PPID: variants seen among roughly 807,000 people sequenced by gnomAD.
The protein encoded by PPID is peptidylprolyl isomerase D.
A neutral mutation model predicts 48.1 loss-of-function variants in PPID; 47 were observed. The ratio of observed to expected loss-of-function variants is 0.98; its 90% CI spans 0.77 to 1.25. PPID has a LOEUF of 1.25. PPID is among the 50% of genes most tolerant of loss of function. PPID has a pLI of 0.00. For synonymous variants in PPID, 163 were observed against 148.8 expected (o/e 1.10, Z -0.69); for missense variants, 429 against 443.5 (o/e 0.97, Z 0.29).
intron 6 of PPID, among the ~76,000 whole-genome samples, chr4:158,713,756 A>G (rs1395815061): frequency 7.6e-6 from 1 of 131,032 alleles, no homozygotes; most frequent in Non-Finnish European, 1.7e-5. Context: ...TCAGATGTGA[A>G]AGTAAGGTAA....
intron 1 of PPID, among the ~76,000 whole-genome samples, chr4:158,722,535 C>G (rs1774980416): frequency 6.6e-6 from 1 of 152,204 alleles, no homozygotes; most frequent in African/African-American, 2.4e-5. Flanking sequence ...CATTGCCTGG[C>G]CAGCAATTCC....
chr4:158,718,293 G>A (rs1463074416), intron 3 of PPID, among the ~76,000 whole-genome samples: 1 of 152,140 alleles, frequency 6.6e-6, no homozygotes, highest in Non-Finnish European at 1.5e-5. Flanking sequence ...TTGCCGCCTT[G>A]CAAGACCCAG....
chr4:158,723,395 C>G lies in PPID; in HGVS notation c.-107G>C. On this transcript the variant is annotated 5_prime_UTR_variant, in exon 1 of 10. Coordinates refer to ENST00000307720, the MANE Select transcript of PPID (RefSeq NM_005038.3). Reference sequence around the variant, plus strand: ...CGCCGGAGACCGGCAGCGACGCTGACCGGCCACTTCCGACGCAAGAACCGG... The same window carrying G: ...CGCCGGAGACCGGCAGCGACGCTGAGCGGCCACTTCCGACGCAAGAACCGG... The G allele has an allele frequency of 9.3e-7, 1 of 1,071,176 alleles. No individual in the cohort carries two copies. The highest frequency in any genetic ancestry group is 1.4e-6 in the Non-Finnish European group (1 of 725,486). 66.4% of individuals were successfully genotyped at this position (1,071,176 alleles called of 1,614,324 possible). A position where few individuals can be genotyped will look rare whatever the true frequency, so the allele number is the denominator to read the frequency against.
intron 3 of PPID, 43 bp downstream of exon 3, chr4:158,719,137 A>G (rs758537811): frequency 1.5e-6 from 2 of 1,315,292 alleles, no homozygotes; most frequent in East Asian, 2.3e-5. Context: ...CAGATATATA[A>G]CAATCTTTTT....
At chr4:158,715,095 G>A (rs1774848432) in intron 6 of PPID, among the ~76,000 whole-genome samples, 1 of 151,992 alleles carries the variant, frequency 6.6e-6, no homozygotes, top group African/African-American at 2.4e-5. Context: ...TAAAACTTAT[G>A]AGTAATTATG....
rs749749305 is a variant in PPID, at chr4:158,713,197, A to G, written c.816T>C (p.Ala272=). 1.2e-6 allele frequency: 2 copies of G among 1,614,032 alleles called. No homozygotes were observed. The highest frequency in any genetic ancestry group is 2.2e-5 in the South Asian group (2 of 91,074). Residue 272 remains alanine (A), a synonymous_variant, in exon 7 of 10, where the codon GCT becomes GCC. Coordinates refer to ENST00000307720, the MANE Select transcript of PPID (RefSeq NM_005038.3). ...TADRAKLQPI[A]LSCVLNIGAC... ...CACCAATATTCAGTACACAGCTTAA[A>G]GCTATAGGTTGCAGCTTGGCTCTAT...
chr4:158,719,998 C>G lies in PPID; in HGVS notation c.227-712G>C, dbSNP rs570754401. ...ATGAAGTGCTACAGAACACACACTTCCCCCAGCAACAAAAATGCAGCAACA... is the reference window on the plus strand; with the variant it reads ...ATGAAGTGCTACAGAACACACACTTGCCCCAGCAACAAAAATGCAGCAACA... On this transcript the variant is annotated intron_variant, in intron 2 of 9. Transcript: ENST00000307720. Among the ~76,000 whole-genome samples the G allele has an allele frequency of 2.0e-5, 3 of 152,268 alleles. No homozygotes were observed. The East Asian group carries it at 5.8e-4, about 29-fold the overall frequency.
In PPID at chr4:158,717,038, C is replaced by G; in HGVS notation, c.496G>C (p.Glu166Gln). The G allele has an allele frequency of 1.2e-6, 2 of 1,613,756 alleles. No homozygotes were observed. Among genetic ancestry groups the G allele is most frequent in the East Asian group, 2.2e-5 (1 of 44,886 alleles). ...TTAGCAGGTTTTTCACCTTTCACTT[C>G]CACATTTTCCAATATCCTTGCCACT... is the stretch of plus-strand genomic sequence containing the variant. ...IGVARILENV[E>Q]VKGEKPAKLC... Residue 166 changes from glutamate to glutamine, a missense_variant, in exon 4 of 10, where the codon GAA (glutamate) becomes CAA (glutamine). Transcript: ENST00000307720.
Position 158,715,385 on chromosome 4 carries a change from T to G in PPID, c.664A>C (p.Ile222Leu). ...DLKDVDKILL[I>L]TEDLKNIGNT... ...CCAATGTTTTTTAAGTCTTCTGTTATTAATAAAATTTTATCTACCTGTATA... is the reference window on the plus strand; with the variant it reads ...CCAATGTTTTTTAAGTCTTCTGTTAGTAATAAAATTTTATCTACCTGTATA... The change falls in exon 6 of 10, where the codon ATA (isoleucine) becomes CTA (leucine). Residue 222 changes from isoleucine (I) to leucine (L), a missense_variant. By Grantham distance (5) the Ile-to-Leu change is conservative. Transcript: ENST00000307720. 1 of 1,519,482 alleles carries G rather than the reference T, an allele frequency of 6.6e-7. No individual in the cohort carries two copies. The highest frequency in any genetic ancestry group is 8.8e-7 in the Non-Finnish European group (1 of 1,132,732). The allele number at this position is 1,519,482 out of a possible 1,614,324, so 94.1% of individuals were successfully genotyped here. A position where few individuals can be genotyped will look rare whatever the true frequency, so the allele number is the denominator to read the frequency against.
At chr4:158,722,295 A>G (rs1343121785) in intron 1 of PPID, among the ~76,000 whole-genome samples, 1 of 152,218 alleles carries the variant, frequency 6.6e-6, no homozygotes, top group Non-Finnish European at 1.5e-5. Context: ...CAAGCAACCA[A>G]CGGGAGAAAA....
At chr4:158,717,288 A>G (rs1774888868) in intron 3 of PPID, 88 bp from the exon 4 acceptor site, 3 of 1,262,248 alleles carry the variant, frequency 2.4e-6, no homozygotes, top group Non-Finnish European at 3.2e-6. Context: ...TTTACTGAAC[A>G]TAAAACTGGG....
At chr4:158,718,590 T>G (rs1774907457) in intron 3 of PPID, among the ~76,000 whole-genome samples, 1 of 152,242 alleles carries the variant, frequency 6.6e-6, no homozygotes, top group Non-Finnish European at 1.5e-5. Context: ...ACTGGAAGAC[T>G]GACGACATTT....
chr4:158,721,102 GA>G (rs1774951777), intron 2 of PPID, among the ~76,000 whole-genome samples: 1 of 152,224 alleles, frequency 6.6e-6, no homozygotes, highest in African/African-American at 2.4e-5. Context: ...ATCTTAGAGT[GA>G]AGGAGAATGA....
At chr4:158,721,321 G>T in intron 2 of PPID, 22 bp downstream of exon 2, 1 of 1,611,100 alleles carries the variant, frequency 6.2e-7, no homozygotes, top group Non-Finnish European at 8.5e-7. Context: ...AGAATAACAA[G>T]ATTAAGAAAA....
At chr4:158,716,820 G>C (rs750967572) in intron 4 of PPID, among the ~76,000 whole-genome samples, 192 bp downstream of exon 4, 2 of 152,086 alleles carry the variant, frequency 1.3e-5, no homozygotes, top group Non-Finnish European at 2.9e-5. Flanking sequence ...AATTAGCCGG[G>C]TGTTGTAGCG....
At chr4:158,718,727 C>T (rs546332598) in intron 3 of PPID, among the ~76,000 whole-genome samples, 1 of 152,278 alleles carries the variant, frequency 6.6e-6, no homozygotes, top group East Asian at 1.9e-4. Context: ...CTTGGGACAA[C>T]GAAGACAAGA....
rs17843943 is a variant in PPID at position 158,713,351 on chromosome 4, A to AT, written c.753-92dup. The AT allele has an allele frequency of 2.5e-3, 3,017 of 1,217,660 alleles. 5 individuals are homozygous for AT. The highest frequency in any genetic ancestry group is 5.8e-3 in the Admixed American group (198 of 34,130). 75.4% of individuals were successfully genotyped at this position (1,217,660 alleles called of 1,614,324 possible). ...CCAGAAGTGTTATGTCATTTCTGAT[A>AT]TAAAAAGCTCTAAAAATGCTATTAA... On this transcript the variant is annotated intron_variant, in intron 6 of 9. Coordinates refer to ENST00000307720, the MANE Select transcript of PPID (RefSeq NM_005038.3).
intron 3 of PPID, among the ~76,000 whole-genome samples, chr4:158,717,900 TTTTCAC>T (rs1330277477): frequency 6.6e-6 from 1 of 152,238 alleles, no homozygotes; most frequent in Non-Finnish European, 1.5e-5. Flanking sequence ...TTTCTTAACC[TTTTCAC>T]TTTATCTCCT....
At position 158,720,928 on chromosome 4, in the gene PPID, A is replaced by G. The variant is rs1024531824; in HGVS notation, c.226+415T>C. Among the ~76,000 whole-genome samples, 3 of 151,874 alleles carry G rather than the reference A, an allele frequency of 2.0e-5. 1 individual carries two copies. The highest frequency in any genetic ancestry group is 2.0e-4 in the Admixed American group (3 of 15,248). ...ACGGGGTTTCACCGCGTTAGCCAAG[A>G]TGGTCTCGATCTCCTGATCTCGTGA... On this transcript the variant is annotated intron_variant, in intron 2 of 9. Coordinates refer to ENST00000307720, the MANE Select transcript of PPID (RefSeq NM_005038.3).
Sources: gnomAD v4.1 joint callset for allele counts (sites outside exome capture counted in the v4.1 genomes callset) on GRCh38, gnomAD v4.1.1 for gene constraint, MANE v1.5 for transcripts, NCBI Gene and HGNC (gene_info 2026-07-23, HGNC 2026-07-21) for gene names.